The following PACRG variants were observed in gnomAD, a reference collection of about 807,000 sequenced individuals.
The protein encoded by PACRG is parkin coregulated, also known as parkin coregulated gene protein.
A neutral mutation model predicts 29.7 loss-of-function variants in PACRG; 29 were observed. The ratio of observed to expected loss-of-function variants is 0.98; its 90% CI spans 0.73 to 1.33. The LOEUF (loss-of-function observed/expected upper bound fraction) is 1.33, where lower values mean the gene tolerates loss of function less well. Among genes scored for constraint, PACRG ranks in the 40% most tolerant of loss-of-function variants. The probability of loss-of-function intolerance (pLI) is 0.00; values close to 1 mark genes in which losing one functional copy is unlikely to be tolerated. For synonymous variants in PACRG, 116 were observed against 118.7 expected (o/e 0.98, Z 0.15); for missense variants, 279 against 316.2 (o/e 0.88, Z 0.89).
intron 1 of PACRG, among the ~76,000 whole-genome samples, chr6:162,742,590 T>C (rs1482819918): frequency 6.6e-6 from 1 of 152,202 alleles, no homozygotes; most frequent in Non-Finnish European, 1.5e-5. Context: ...GTGTCATAAA[T>C]GACAGGATTT....
At chr6:162,868,744 CG>C (rs1025314527) in intron 2 of PACRG, among the ~76,000 whole-genome samples, 1 of 152,206 alleles carries the variant, frequency 6.6e-6, no homozygotes, top group South Asian at 2.1e-4. Context: ...GGGTCTGCCG[CG>C]GGATGCCCTG....
At chr6:162,827,735 C>T (rs1788407949) in intron 2 of PACRG, among the ~76,000 whole-genome samples, 2 of 152,218 alleles carry the variant, frequency 1.3e-5, no homozygotes, top group African/African-American at 4.8e-5. Flanking sequence ...CTTTTTGTCT[C>T]TGAACCTGTA....
intron 2 of PACRG, among the ~76,000 whole-genome samples, chr6:163,027,587 C>T (rs958093511): frequency 5.9e-5 from 9 of 152,072 alleles, no homozygotes; most frequent in Non-Finnish European, 1.2e-4. Flanking sequence ...AACACCAGCC[C>T]CTTAATTCTC....
At chr6:162,921,808 A>G (rs1797084689) in intron 2 of PACRG, among the ~76,000 whole-genome samples, 1 of 152,180 alleles carries the variant, frequency 6.6e-6, no homozygotes, top group African/African-American at 2.4e-5. Flanking sequence ...TGACTGATTT[A>G]GCCAAAAAAG....
At chr6:163,270,692 C>A (rs1054881562) in intron 4 of PACRG, among the ~76,000 whole-genome samples, 1 of 151,882 alleles carries the variant, frequency 6.6e-6, no homozygotes, top group African/African-American at 2.4e-5. Context: ...TTTTTTAAAG[C>A]CCAAATACAA....
intron 4 of PACRG, among the ~76,000 whole-genome samples, chr6:163,271,647 C>A (rs991531873): frequency 6.6e-5 from 10 of 152,314 alleles, no homozygotes; most frequent in African/African-American, 2.4e-4. Context: ...GCATGTATAT[C>A]AATTAAATTC....
intron 2 of PACRG, among the ~76,000 whole-genome samples, chr6:162,905,604 T>G (rs1044112215): frequency 1.3e-5 from 2 of 152,064 alleles, no homozygotes. Context: ...TCTACTACAG[T>G]TTTGTGGAAA....
intron 4 of PACRG, among the ~76,000 whole-genome samples, chr6:163,216,038 G>A (rs572771716): frequency 1.3e-5 from 2 of 152,326 alleles, no homozygotes; most frequent in East Asian, 3.9e-4. Flanking sequence ...GGAAGAGAAG[G>A]ATCCATGAGT....
chr6:162,912,640 C>A (rs948357003), intron 2 of PACRG, among the ~76,000 whole-genome samples: 1 of 149,144 alleles, frequency 6.7e-6, no homozygotes, highest in Non-Finnish European at 1.5e-5. Flanking sequence ...GGCGCAATCT[C>A]AGCTCAGTGC....
chr6:163,154,802 G>T, intron 4 of PACRG, among the ~76,000 whole-genome samples: 1 of 152,164 alleles, frequency 6.6e-6, no homozygotes, highest in East Asian at 1.9e-4. Context: ...GGCAACTACA[G>T]GAAGAACCAC....
At chr6:163,011,316 A>G (rs541731459) in intron 2 of PACRG, among the ~76,000 whole-genome samples, 1 of 152,256 alleles carries the variant, frequency 6.6e-6, no homozygotes, top group Admixed American at 6.5e-5. Flanking sequence ...CCTGCGGTGT[A>G]GCCGATTGCC....
chr6:163,108,531 C>T lies in PACRG; in HGVS notation c.613+19123C>T, dbSNP rs141784252. Among the ~76,000 whole-genome samples, 593 of 151,274 alleles carry T rather than the reference C, an allele frequency of 3.9e-3. 5 individuals carry two copies. The highest frequency in any genetic ancestry group is 0.013 in the African/African-American group (548 of 41,166). Reference sequence around the variant, plus strand: ...GCCTCAGTCCCTGAGTAGCTGGGACCACAGGCATGTGCCACCACACCCAGC... The same window carrying T: ...GCCTCAGTCCCTGAGTAGCTGGGACTACAGGCATGTGCCACCACACCCAGC... On this transcript the variant is annotated intron_variant, in intron 4 of 4. Transcript: ENST00000366888.
At chr6:162,984,394 C>T (rs1294203751) in intron 2 of PACRG, among the ~76,000 whole-genome samples, 2 of 151,934 alleles carry the variant, frequency 1.3e-5, no homozygotes, top group African/African-American at 2.4e-5. Context: ...TATATGCATA[C>T]CACATTTTCT....
chr6:162,843,131 C>G (rs573483895), intron 2 of PACRG, among the ~76,000 whole-genome samples: 1 of 143,552 alleles, frequency 7.0e-6, no homozygotes, highest in South Asian at 2.3e-4. Context: ...TTTCCTGAAT[C>G]TGAACGTTGG....
At chr6:162,741,697 G>A (rs1780614167) in intron 1 of PACRG, among the ~76,000 whole-genome samples, 1 of 152,172 alleles carries the variant, frequency 6.6e-6, no homozygotes, top group Admixed American at 6.5e-5. Context: ...GGTAAGAGAT[G>A]GGATTGCTGT....
intron 1 of PACRG, among the ~76,000 whole-genome samples, chr6:162,747,314 C>G: frequency 7.8e-6 from 1 of 128,546 alleles, no homozygotes; most frequent in Non-Finnish European, 1.6e-5. Context: ...CTCAGACTGG[C>G]TCTCCTTGCT....
intron 2 of PACRG, among the ~76,000 whole-genome samples, chr6:163,032,833 T>C (rs1470501173): frequency 1.3e-5 from 2 of 152,236 alleles, no homozygotes; most frequent in Non-Finnish European, 2.9e-5. Context: ...GGTAAGATTC[T>C]TATAAACCTT....
intron 2 of PACRG, chr6:163,054,184 C>CGTATTTGGAGATGGGGCCT (rs1357202096): frequency 3.3e-5 from 5 of 152,174 alleles, no homozygotes; most frequent in Admixed American, 3.3e-4. Flanking sequence ...CCAGCGTGAC[C>CGTATTTGGAGATGGGGCCT]GTATTTGGAG....
intron 2 of PACRG, among the ~76,000 whole-genome samples, chr6:162,841,261 C>T (rs1477053659): frequency 2.1e-5 from 3 of 142,424 alleles, no homozygotes; most frequent in Non-Finnish European, 4.6e-5. Context: ...TGATTATTGC[C>T]ACAATTTCAG....
Sources: gnomAD v4.1 joint callset for allele counts (sites outside exome capture counted in the v4.1 genomes callset) on GRCh38, gnomAD v4.1.1 for gene constraint, MANE v1.5 for transcripts, NCBI Gene and HGNC (gene_info 2026-07-23, HGNC 2026-07-21) for gene names.